ATRNL1: variants seen among roughly 807,000 people sequenced by gnomAD.
ATRNL1 encodes the protein attractin-like protein 1.
A neutral mutation model predicts 182.7 loss-of-function variants in ATRNL1; 95 were observed. The observed-to-expected ratio is 0.52, with a 90% CI of 0.44 to 0.62. The LOEUF (loss-of-function observed/expected upper bound fraction) is 0.62. Among genes scored for constraint, ATRNL1 ranks in the 20% least tolerant of loss-of-function variants. The probability of loss-of-function intolerance (pLI) is 0.00; values close to 1 mark genes in which losing one functional copy is unlikely to be tolerated. For synonymous variants in ATRNL1, 576 were observed against 568.3 expected (o/e 1.01, Z -0.19); for missense variants, 1,471 against 1,679.5 (o/e 0.88, Z 2.17).
intron 24 of ATRNL1, among the ~76,000 whole-genome samples, chr10:115,505,165 AC>A (rs1554980989): frequency 1.3e-5 from 2 of 152,220 alleles, no homozygotes; most frequent in East Asian, 3.9e-4. Flanking sequence ...GTATAAGGAG[AC>A]CAATTTTATT....
At chr10:115,279,213 AAAT>A (rs1350081364) in intron 13 of ATRNL1, among the ~76,000 whole-genome samples, 41 of 149,378 alleles carry the variant, frequency 2.7e-4, no homozygotes, top group African/African-American at 4.0e-4. Flanking sequence ...AAAAAAAAAA[AAAT>A]AATAATAATA....
At chr10:115,193,885 T>G (rs1848259336) in intron 8 of ATRNL1, among the ~76,000 whole-genome samples, 1 of 151,986 alleles carries the variant, frequency 6.6e-6, no homozygotes, top group South Asian at 2.1e-4. Context: ...TCTTTAGGTT[T>G]TGATCTGTTT....
intron 26 of ATRNL1, among the ~76,000 whole-genome samples, chr10:115,699,893 T>A (rs1555050962): frequency 6.6e-6 from 1 of 152,146 alleles, no homozygotes; most frequent in African/African-American, 2.4e-5. Flanking sequence ...ATTATGTCCA[T>A]GAGTGCTCAG....
intron 28 of ATRNL1, among the ~76,000 whole-genome samples, chr10:115,939,844 C>G (rs1247710741): frequency 6.6e-6 from 1 of 152,144 alleles, no homozygotes; most frequent in Non-Finnish European, 1.5e-5. Flanking sequence ...CAGAAGACCT[C>G]TCACCAGGAA....
chr10:115,412,529 G>T (rs1845194074), intron 20 of ATRNL1, among the ~76,000 whole-genome samples: 1 of 152,092 alleles, frequency 6.6e-6, no homozygotes, highest in Non-Finnish European at 1.5e-5. Context: ...TTTTTATTGA[G>T]CAATAGATAA....
At chr10:115,541,688 A>G (rs1852368444) in intron 25 of ATRNL1, among the ~76,000 whole-genome samples, 1 of 152,232 alleles carries the variant, frequency 6.6e-6, no homozygotes, top group South Asian at 2.1e-4. Context: ...CAAAGGATCA[A>G]AATAGGTAAC....
At chr10:115,442,738 A>G (rs1846758675) in intron 21 of ATRNL1, among the ~76,000 whole-genome samples, 1 of 152,028 alleles carries the variant, frequency 6.6e-6, no homozygotes, top group Non-Finnish European at 1.5e-5. Context: ...CTCTCTTAAA[A>G]TGTCTTGTTT....
chr10:115,307,370 C>T (rs1554926516), intron 17 of ATRNL1, among the ~76,000 whole-genome samples: 1 of 152,146 alleles, frequency 6.6e-6, no homozygotes, highest in African/African-American at 2.4e-5. Flanking sequence ...TGAAGCAATT[C>T]TCCTGCTGCA....
chr10:115,281,195 A>C (rs1415061279), intron 13 of ATRNL1, among the ~76,000 whole-genome samples, 160 bp from the exon 14 acceptor site: 1 of 152,224 alleles, frequency 6.6e-6, no homozygotes, highest in Non-Finnish European at 1.5e-5. Flanking sequence ...TTAATTTAAT[A>C]AACTAATGAA....
chr10:115,565,132 A>G (rs367655426), intron 26 of ATRNL1, among the ~76,000 whole-genome samples: 14 of 151,994 alleles, frequency 9.2e-5, no homozygotes, highest in African/African-American at 3.4e-4. Flanking sequence ...ATTCTGAGAA[A>G]TAATTTTTAG....
intron 27 of ATRNL1, among the ~76,000 whole-genome samples, chr10:115,729,495 T>TTGTGTGTG (rs139166434): frequency 0.11 from 15,876 of 141,902 alleles, 1,061 homozygotes; most frequent in South Asian, 0.17. Flanking sequence ...CTACCCCATT[T>TTGTGTGTG]TGTGTGTGTG....
intron 27 of ATRNL1, among the ~76,000 whole-genome samples, chr10:115,818,639 A>G (rs1950222779): frequency 6.6e-6 from 1 of 152,086 alleles, no homozygotes; most frequent in South Asian, 2.1e-4. Flanking sequence ...AATATTTGAA[A>G]AGCCAGTGAT....
chr10:115,908,722 C>G (rs1488228618), intron 28 of ATRNL1, among the ~76,000 whole-genome samples: 1 of 152,208 alleles, frequency 6.6e-6, no homozygotes, highest in Non-Finnish European at 1.5e-5. Context: ...TGCTGCCCAG[C>G]ACACACTGTT....
intron 27 of ATRNL1, among the ~76,000 whole-genome samples, chr10:115,833,133 T>C (rs1950595704): frequency 6.6e-6 from 1 of 152,194 alleles, no homozygotes; most frequent in Non-Finnish European, 1.5e-5. Context: ...ATAAAGGAGC[T>C]AAATCATAAC....
intron 19 of ATRNL1, among the ~76,000 whole-genome samples, chr10:115,386,933 C>T (rs1405311952): frequency 6.7e-6 from 1 of 150,340 alleles, no homozygotes; most frequent in Non-Finnish European, 1.5e-5. Context: ...TTTGTCCTTG[C>T]TATAAATCAT....
At chr10:115,794,247 T>A (rs1329600816) in intron 27 of ATRNL1, among the ~76,000 whole-genome samples, 2 of 152,170 alleles carry the variant, frequency 1.3e-5, no homozygotes, top group African/African-American at 4.8e-5. Flanking sequence ...AAAGAATTTT[T>A]TTCCTCATAC....
At chr10:115,638,378 C>A (rs1859028086) in intron 26 of ATRNL1, among the ~76,000 whole-genome samples, 1 of 150,478 alleles carries the variant, frequency 6.6e-6, no homozygotes, top group Non-Finnish European at 1.5e-5. Context: ...CAAAATGTAT[C>A]CCCGTCATTG....
chr10:115,622,415 T>C (rs1365588116), intron 26 of ATRNL1, among the ~76,000 whole-genome samples: 1 of 152,162 alleles, frequency 6.6e-6, no homozygotes, highest in Non-Finnish European at 1.5e-5. Flanking sequence ...CAAGCTCAAG[T>C]TTGAAAAGTC....
At chr10:115,658,090 C>CTTTTTT (rs71010038) in intron 26 of ATRNL1, among the ~76,000 whole-genome samples, 40 of 90,282 alleles carry the variant, frequency 4.4e-4, no homozygotes, top group Admixed American at 9.4e-4. Context: ...AATTTTTTTC[C>CTTTTTT]TTTTTTTTTT....
Sources: allele counts gnomAD v4.1 joint callset (sites outside exome capture counted in the v4.1 genomes callset), GRCh38; gene constraint gnomAD v4.1.1; transcripts MANE v1.5; gene names NCBI Gene and HGNC (gene_info 2026-07-23, HGNC 2026-07-21).